Variants in DCLRE1C observed in about 807,000 individuals in gnomAD.
DCLRE1C encodes DNA cross-link repair 1C.
In DCLRE1C, 47 loss-of-function variants were observed where a neutral mutation model predicts 61.4. The observed-to-expected ratio is 0.77, with a 90% CI of 0.61 to 0.98. DCLRE1C has a LOEUF of 0.98. DCLRE1C is among the 50% of genes least tolerant of loss of function. DCLRE1C has a pLI of 0.00. For synonymous variants in DCLRE1C, 337 were observed against 287.6 expected, an observed-to-expected ratio of 1.17 and a Z score of -1.74; for missense variants, 858 against 816.0, an observed-to-expected ratio of 1.05 and a Z score of -0.63.
chr10:14,932,808 T>C (rs1031362307), intron 9 of DCLRE1C, 46 bp downstream of exon 9: 5 of 1,607,014 alleles, frequency 3.1e-6, no homozygotes, highest in Non-Finnish European at 4.3e-6. Flanking sequence ...TTCTTCTTTT[T>C]CATAGATTAC....
intron 13 of DCLRE1C, among the ~76,000 whole-genome samples, chr10:14,909,688 T>C (rs1468738580): frequency 6.6e-6 from 1 of 152,202 alleles, no homozygotes; most frequent in Non-Finnish European, 1.5e-5. Flanking sequence ...TAATTTGATT[T>C]TTAAGTTCTA....
At chr10:14,901,380 C>A, downstream of DCLRE1C, 7 of 1,369,426 alleles carry the variant, frequency 5.1e-6, no homozygotes, top group Non-Finnish European at 7.0e-6. Flanking sequence ...AAAGTTGAGG[C>A]ACTAAGTTTG....
intron 13 of DCLRE1C, chr10:14,899,428 G>GA (rs979002845): frequency 4.4e-5 from 53 of 1,209,970 alleles, no homozygotes; most frequent in Admixed American, 2.2e-4. Context: ...GATGACACCT[G>GA]AATTTCTTAC....
chr10:14,936,551 G>T lies in DCLRE1C; in HGVS notation c.349C>A (p.Pro117Thr), dbSNP rs1362873973. ...TGACCCCCTTACATAACTGATCCCGGACAGTGACCAGCTGGTAAGAGAGTC... is the reference window on the plus strand; with the variant it reads ...TGACCCCCTTACATAACTGATCCCGTACAGTGACCAGCTGGTAAGAGAGTC... ...VVTLLPAGHC[P>T]GSVMFLFQGN... Residue 117 changes from proline to threonine, a missense_variant, in exon 5 of 14, where the codon CCG becomes ACG. Around this residue, in one of 2 missense-constraint regions of DCLRE1C, gnomAD observed 843 missense variants for 783.5 expected, o/e 1.08. Transcript: ENST00000378278. 3.7e-6 allele frequency: 6 copies of T among 1,612,670 alleles called. 1 individual carries two copies. In the Admixed American group the frequency reaches 1.0e-4, roughly 27 times the overall value.
chr10:14,902,476 A>G, downstream of DCLRE1C: 1 of 1,605,552 alleles, frequency 6.2e-7, no homozygotes, highest in Non-Finnish European at 8.5e-7. Flanking sequence ...CAGTATGTAA[A>G]TGTGGAGCTG....
intron 13 of DCLRE1C, chr10:14,911,150 A>C (rs1172950189): frequency 2.6e-5 from 4 of 152,348 alleles, no homozygotes; most frequent in Non-Finnish European, 5.9e-5. Flanking sequence ...CCAGGCAACG[A>C]ATCACTCAAA....
At chr10:14,917,156 G>A (rs1254949825) in intron 13 of DCLRE1C, among the ~76,000 whole-genome samples, 1 of 152,158 alleles carries the variant, frequency 6.6e-6, no homozygotes, top group Non-Finnish European at 1.5e-5. Flanking sequence ...TTAAGATAGT[G>A]TTTCCAACAA....
At chr10:14,928,202 C>G (rs763850678) in intron 9 of DCLRE1C, 50 bp from the exon 10 acceptor site, 12 of 1,554,130 alleles carry the variant, frequency 7.7e-6, no homozygotes, top group Admixed American at 3.5e-5. Context: ...TTCTACAAAT[C>G]TGTTGTAGGC....
chr10:14,919,806 T>C lies in DCLRE1C; in HGVS notation c.1088A>G (p.Gln363Arg), dbSNP rs1213080376. Residue 363 changes from glutamine (Q) to arginine (R), a missense_variant, in exon 13 of 14, where the codon CAA becomes CGA. Around this residue, in one of 2 missense-constraint regions of DCLRE1C, gnomAD observed 843 missense variants for 783.5 expected, o/e 1.08. Transcript: ENST00000378278. ...EILKPLCRSS[Q>R]STEPKYKPLG... Reference sequence around the variant, plus strand: ...TGGTTTATACTTTGGCTCCGTACTTTGGGAAGACCGGCATAAAGGCTTTAA... The same window carrying C: ...TGGTTTATACTTTGGCTCCGTACTTCGGGAAGACCGGCATAAAGGCTTTAA... The C allele has an allele frequency of 6.2e-7, 1 of 1,613,984 alleles. No homozygotes were observed. Among genetic ancestry groups the C allele is most frequent in the Non-Finnish European group, 8.5e-7 (1 of 1,179,874 alleles).
At chr10:14,899,239 G>A (rs1833821430) in exon 14 of DCLRE1C, 3 of 702,130 alleles carry the variant, frequency 4.3e-6, no homozygotes, top group Non-Finnish European at 7.8e-6. Context: ...AAGATCGCTT[G>A]ATCCCAGGAG....
intron 13 of DCLRE1C, among the ~76,000 whole-genome samples, chr10:14,915,395 A>G (rs1836005426): frequency 6.6e-6 from 1 of 152,096 alleles, no homozygotes; most frequent in Non-Finnish European, 1.5e-5. Flanking sequence ...GTAAACCTCT[A>G]GCTAGACTAA....
intron 12 of DCLRE1C, among the ~76,000 whole-genome samples, chr10:14,920,640 G>A (rs1041836376): frequency 1.3e-5 from 2 of 152,156 alleles, no homozygotes; most frequent in South Asian, 2.1e-4. Flanking sequence ...ACTTTTCAAA[G>A]TAAGGTTGTC....
chr10:14,951,435 A>T (rs1842451234), intron 1 of DCLRE1C, among the ~76,000 whole-genome samples: 1 of 134,408 alleles, frequency 7.4e-6, no homozygotes, highest in Non-Finnish European at 1.6e-5. Flanking sequence ...AGTGATGTGG[A>T]TGGGTTTCCA....
chr10:14,930,687 C>A (rs1013670995), intron 9 of DCLRE1C, among the ~76,000 whole-genome samples: 1 of 152,162 alleles, frequency 6.6e-6, no homozygotes, highest in African/African-American at 2.4e-5. Flanking sequence ...CACGCCTCGG[C>A]CTCTTAAAGC....
exon 14 of DCLRE1C, chr10:14,897,364 G>A: frequency 6.2e-7 from 1 of 1,613,018 alleles, no homozygotes; most frequent in Middle Eastern, 1.6e-4. Flanking sequence ...GCAACTCAAG[G>A]TGTCAGTGTG....
At chr10:14,901,738 G>A (rs1157982189), downstream of DCLRE1C, among the ~76,000 whole-genome samples, 3 of 151,914 alleles carry the variant, frequency 2.0e-5, no homozygotes, top group Non-Finnish European at 4.4e-5. Context: ...GGCTGAGGTG[G>A]GAGGATGGCT....
At chr10:14,898,598 T>C (rs1376129827) in exon 14 of DCLRE1C, 1 of 152,242 alleles carries the variant, frequency 6.6e-6, no homozygotes, top group Non-Finnish European at 1.5e-5. Flanking sequence ...TTACTCTTTT[T>C]GTTAACCAAA....
At chr10:14,942,576 G>C (rs1345446220) in intron 3 of DCLRE1C, 1 of 152,416 alleles carries the variant, frequency 6.6e-6, no homozygotes, top group Non-Finnish European at 1.5e-5. Context: ...GCACACACAC[G>C]ACAGAGAATG....
chr10:14,914,469 A>C lies in DCLRE1C; in HGVS notation c.1157-5139T>G, dbSNP rs532965543. 5.3e-5 allele frequency among the ~76,000 whole-genome samples: 8 copies of C among 152,364 alleles called. 1 individual carries two copies. In the South Asian group the frequency reaches 1.7e-3, roughly 32 times the overall value. On this transcript the variant is annotated intron_variant, in intron 13 of 13. Coordinates refer to ENST00000378278, the MANE Select transcript of DCLRE1C (RefSeq NM_001033855.3). ...CCCCTCTCTGGCAATAATTGATAGA[A>C]CAAGAATGTAGAAGACCTGAACAAC...
Sources: gnomAD v4.1 joint callset for allele counts (sites outside exome capture counted in the v4.1 genomes callset) on GRCh38, gnomAD v4.1.1 for gene constraint, gnomAD v4.1.1 regional missense constraint, MANE v1.5 for transcripts, NCBI Gene and HGNC (gene_info 2026-07-23, HGNC 2026-07-21) for gene names.